Variants in KIF25 observed in about 807,000 individuals in gnomAD.
The protein encoded by KIF25 is kinesin-like protein KIF25.
A neutral mutation model predicts 32.9 loss-of-function variants in KIF25; 19 were observed. The observed-to-expected ratio is 0.58, with a 90% CI of 0.40 to 0.85. The LOEUF (loss-of-function observed/expected upper bound fraction) is 0.85. Among genes scored for constraint, KIF25 ranks in the 40% least tolerant of loss-of-function variants. The pLI, the probability that KIF25 is intolerant of heterozygous loss-of-function variation, is 0.00. For missense variants in KIF25, 485 were observed against 507.0 expected (o/e 0.96, Z 0.42); for synonymous variants, 225 against 213.7 (o/e 1.05, Z -0.46).
At chr6:168,021,284 A>G (rs923761706) in intron 5 of KIF25, among the ~76,000 whole-genome samples, 1 of 152,238 alleles carries the variant, frequency 6.6e-6, no homozygotes, top group African/African-American at 2.4e-5. Context: ...CTGGAAGAGC[A>G]GGAGAAACCC....
intron 2 of KIF25, among the ~76,000 whole-genome samples, chr6:167,999,925 C>A (rs1296866207): frequency 1.3e-5 from 2 of 150,022 alleles, no homozygotes; most frequent in Non-Finnish European, 3.0e-5. Context: ...TGACCCTCCC[C>A]ACTCCCATCC....
At position 168,044,814 on chromosome 6, in the gene KIF25, T is replaced by C. The variant is rs1229548119; in HGVS notation, c.986-13T>C. ...CTTCTTTCCAGCTTGCATGTTGTTT[T>C]TCTATTTTAAAGGAGGCGATGCGAA... On this transcript the variant is annotated splice_polypyrimidine_tract_variant and intron_variant, in intron 12 of 12. Transcript: ENST00000643607. 1 of 1,566,540 alleles carries C rather than the reference T, an allele frequency of 6.4e-7. No individual in the cohort carries two copies.
intron 5 of KIF25, among the ~76,000 whole-genome samples, chr6:168,018,293 A>G (rs1385259525): frequency 2.0e-5 from 3 of 152,178 alleles, no homozygotes; most frequent in Non-Finnish European, 4.4e-5. Context: ...TACTCAGTAA[A>G]CTACGTGAAA....
chr6:168,040,168 C>A lies in KIF25; in HGVS notation c.598C>A (p.Leu200Met). Residue 200 changes from leucine (L) to methionine (M), a missense_variant, in exon 10 of 13, where the codon CTG (leucine) becomes ATG (methionine). Physicochemically the swap from Leu to Met is conservative, Grantham distance 15. Coordinates refer to ENST00000643607, the MANE Select transcript of KIF25 (RefSeq NM_030615.4). ...LVHADSSRSH[L>M]IITVTLTTAS... ...GCACGCGGATTCCTCCAGGTCTCAC[C>A]TGATAATTACGGTGACTCTAACCAC... 6.2e-7 allele frequency: 1 copy of A among 1,614,046 alleles called. No homozygotes were observed. Among genetic ancestry groups the A allele is most frequent in the Non-Finnish European group, 8.5e-7 (1 of 1,180,002 alleles).
chr6:168,022,535 C>T (rs1798800887), intron 5 of KIF25, among the ~76,000 whole-genome samples: 1 of 152,144 alleles, frequency 6.6e-6, no homozygotes, highest in Non-Finnish European at 1.5e-5. Context: ...AAGTGATTGT[C>T]CCACCTCAGC....
chr6:168,015,075 G>A (rs1583129934), intron 4 of KIF25, among the ~76,000 whole-genome samples: 1 of 152,336 alleles, frequency 6.6e-6, no homozygotes, highest in South Asian at 2.1e-4. Context: ...GTCAGAGACT[G>A]TATGGTCCTT....
At position 168,040,273 on chromosome 6, in the gene KIF25, GA is replaced by G. The variant is rs527239234; in HGVS notation, c.646+64del. On this transcript the variant is annotated intron_variant, in intron 10 of 12. Transcript: ENST00000643607. ...AGTAATAGAAAAACCCACTTAAGAAGAAAAAAATCAGGCCAGGCACAGTGGC... is the reference window on the plus strand; with the variant it reads ...AGTAATAGAAAAACCCACTTAAGAAGAAAAAATCAGGCCAGGCACAGTGGC... The G allele has an allele frequency of 6.1e-5, 94 of 1,538,922 alleles. No individual in the cohort carries two copies. In the African/African-American group the frequency reaches 1.2e-3, roughly 20 times the overall value.
chr6:168,040,444 T>A (rs1171989186), intron 10 of KIF25, among the ~76,000 whole-genome samples: 1 of 152,068 alleles, frequency 6.6e-6, no homozygotes, highest in Non-Finnish European at 1.5e-5. Context: ...TGCAAGCCTG[T>A]AATCCCAGCT....
Position 168,041,096 on chromosome 6 carries a change from G to A in KIF25, c.647-873G>A, listed in dbSNP as rs74514356. Among the ~76,000 whole-genome samples the A allele has an allele frequency of 9.0e-3, 1,378 of 152,306 alleles. 20 individuals are homozygous for A. The highest frequency in any genetic ancestry group is 0.03 in the African/African-American group (1,257 of 41,560). ...CCTGGAGAGCCACGGGTCTGGGGCC[G>A]GAACATGAGACTGTAGTCCCATCAA... is the stretch of plus-strand genomic sequence containing the variant. On this transcript the variant is annotated intron_variant, in intron 10 of 12. Transcript: ENST00000643607.
intron 2 of KIF25, among the ~76,000 whole-genome samples, chr6:168,000,572 T>G (rs1190469891): frequency 2.1e-5 from 2 of 94,676 alleles, no homozygotes; most frequent in African/African-American, 4.1e-5. Context: ...CCCTCCCCAC[T>G]CCCATTGCCG....
rs776942483 is a variant in KIF25, at chr6:168,042,621, C to G, written c.890C>G (p.Ala297Gly). ...REMACISRSL[A>G]ALAGVLGALL... ...ATGGCGTGCATCAGCCGCAGCCTTG[C>G]GGCCCTGGCAGGCGTCCTGGGGGCT... The change falls in exon 12 of 13, where the codon GCG (alanine) becomes GGG (glycine). Residue 297 changes from alanine to glycine, a missense_variant. Around this residue, in one of 2 missense-constraint regions of KIF25, gnomAD observed 480 missense variants for 470.3 expected, o/e 1.02. Coordinates refer to ENST00000643607, the MANE Select transcript of KIF25 (RefSeq NM_030615.4). 1.2e-6 allele frequency: 2 copies of G among 1,613,754 alleles called. No individual in the cohort carries two copies. Among genetic ancestry groups the G allele is most frequent in the African/African-American group, 2.7e-5 (2 of 74,936 alleles).
chr6:168,015,543 G>A (rs1195049239), intron 4 of KIF25, among the ~76,000 whole-genome samples: 1 of 152,202 alleles, frequency 6.6e-6, no homozygotes, highest in Non-Finnish European at 1.5e-5. Flanking sequence ...CGTCCCCCAT[G>A]CAGTTGTGTT....
At chr6:168,009,763 T>C (rs1378939540) in intron 4 of KIF25, among the ~76,000 whole-genome samples, 1 of 152,180 alleles carries the variant, frequency 6.6e-6, no homozygotes, top group Non-Finnish European at 1.5e-5. Context: ...GTTATTGGTC[T>C]GTTCAGATTT....
rs767531132 is a variant in KIF25 at position 168,033,958 on chromosome 6, G to A, written c.244G>A (p.Asp82Asn). 1.6e-5 allele frequency: 26 copies of A among 1,614,036 alleles called. No individual in the cohort carries two copies. The highest frequency in any genetic ancestry group is 2.2e-5 in the East Asian group (1 of 44,888). The part of the protein sequence containing the change: ...SYTMLGRHSD[D>N]GPVLPLDPQS... ...TACCATGCTGGGACGCCATTCGGAC[G>A]ACGGCCCTGTTCTGCCGCTTGACCC... The change falls in exon 8 of 13, where the codon GAC becomes AAC. Residue 82 changes from aspartate to asparagine, a missense_variant. Physicochemically the swap from Asp to Asn is conservative, Grantham distance 23. Coordinates refer to ENST00000643607, the MANE Select transcript of KIF25 (RefSeq NM_030615.4).
At chr6:168,023,930 A>C (rs1419227384) in intron 5 of KIF25, among the ~76,000 whole-genome samples, 1 of 151,938 alleles carries the variant, frequency 6.6e-6, no homozygotes, top group Admixed American at 6.5e-5. Context: ...CATTTTTATT[A>C]TTTACTGAAA....
chr6:168,042,801 A>G, intron 12 of KIF25, 85 bp downstream of exon 12: 5 of 1,463,950 alleles, frequency 3.4e-6, no homozygotes, highest in Non-Finnish European at 4.6e-6. Context: ...CACGTCCTCG[A>G]GGGCCACCCA....
intron 5 of KIF25, among the ~76,000 whole-genome samples, chr6:168,023,694 CCCAG>C (rs1416337750): frequency 1.3e-5 from 2 of 152,246 alleles, no homozygotes; most frequent in African/African-American, 4.8e-5. Flanking sequence ...AGCCACCGTG[CCCAG>C]CCAGTTTCCT....
At chr6:168,031,127 G>A (rs1798935643) in intron 7 of KIF25, among the ~76,000 whole-genome samples, 1 of 152,196 alleles carries the variant, frequency 6.6e-6, no homozygotes. Flanking sequence ...GTGGGCTTAA[G>A]CCTGTGAGTG....
intron 12 of KIF25, among the ~76,000 whole-genome samples, chr6:168,044,100 T>C (rs1799176590): frequency 6.6e-6 from 1 of 152,096 alleles, no homozygotes; most frequent in African/African-American, 2.4e-5. Context: ...CACAGGAGTG[T>C]GAGTAGAAGG....
Sources: gnomAD v4.1 joint callset for allele counts (sites outside exome capture counted in the v4.1 genomes callset) on GRCh38, gnomAD v4.1.1 for gene constraint, gnomAD v4.1.1 regional missense constraint, MANE v1.5 for transcripts, NCBI Gene and HGNC (gene_info 2026-07-23, HGNC 2026-07-21) for gene names.